The following TRMT44 variants were observed in gnomAD, a reference collection of about 807,000 sequenced individuals.
TRMT44 encodes probable tRNA (uracil-O(2)-)-methyltransferase.
TRMT44 carries 78 observed loss-of-function variants against 77.3 expected under a neutral mutation model. The ratio of observed to expected loss-of-function variants is 1.01; its 90% CI spans 0.84 to 1.22. TRMT44 has a LOEUF of 1.22. Ranked by LOEUF, TRMT44 falls within the 50% of genes most tolerant of loss-of-function variation. The probability of loss-of-function intolerance (pLI) is 0.00; values close to 1 mark genes in which losing one functional copy is unlikely to be tolerated. For missense variants in TRMT44, 1,090 were observed against 964.4 expected (o/e 1.13, Z -1.73); for synonymous variants, 391 against 383.3 (o/e 1.02, Z -0.23).
At chr4:8,482,773 A>G (rs1455831069) in intron 2 of TRMT44, among the ~76,000 whole-genome samples, 1 of 152,100 alleles carries the variant, frequency 6.6e-6, no homozygotes, top group Non-Finnish European at 1.5e-5. Flanking sequence ...CAGTTACTTC[A>G]GGCCATCTGG....
the TRMT44 span, among the ~76,000 whole-genome samples, chr4:8,501,825 G>C: frequency 2.0e-5 from 3 of 152,218 alleles, no homozygotes; most frequent in South Asian, 6.2e-4. The surrounding 1 kb of genome is among the most constrained non-coding windows in gnomAD (Gnocchi z 4.4). Context: ...TGTCCTTTCT[G>C]GGCCCCAGCC....
Position 8,467,904 on chromosome 4 carries a change from T to C in TRMT44, c.1495-10T>C, listed in dbSNP as rs772337473. On this transcript the variant is annotated splice_polypyrimidine_tract_variant and intron_variant, in intron 8 of 10. Transcript: ENST00000389737. ...AGCTAAAATACTTGCTTTGCTTTCT[T>C]CAAACGCAGGTCTGTCTCGTTGGAA... 1 of 1,584,460 alleles carries C rather than the reference T, an allele frequency of 6.3e-7. No homozygotes were observed. Among genetic ancestry groups the C allele is most frequent in the South Asian group, 1.1e-5 (1 of 88,880 alleles).
chr4:8,503,743 G>C, the TRMT44 span, among the ~76,000 whole-genome samples: 1 of 152,192 alleles, frequency 6.6e-6, no homozygotes, highest in Admixed American at 6.5e-5. Context: ...TCTTGCTTTG[G>C]CCTGGGCCCT....
At chr4:8,470,923 G>T (rs1726946543) in intron 9 of TRMT44, 161 bp from the exon 10 acceptor site, 1 of 580,810 alleles carries the variant, frequency 1.7e-6, no homozygotes, top group Non-Finnish European at 3.1e-6. Context: ...TCACGGTTTG[G>T]TGCGGTGTGG....
intron 6 of TRMT44, among the ~76,000 whole-genome samples, chr4:8,460,364 A>G (rs1179666900): frequency 1.3e-5 from 2 of 152,128 alleles, no homozygotes; most frequent in Non-Finnish European, 2.9e-5. Flanking sequence ...GGAATATACA[A>G]AAGTAGAGAG....
chr4:8,469,408 T>C (rs1157012512), intron 9 of TRMT44, among the ~76,000 whole-genome samples: 2 of 152,176 alleles, frequency 1.3e-5, no homozygotes, highest in Admixed American at 6.5e-5. Flanking sequence ...TGGCAGAGCA[T>C]GGAGCCCACC....
At chr4:8,472,010 C>CT (rs35572027) in intron 10 of TRMT44, among the ~76,000 whole-genome samples, 3,122 of 147,284 alleles carry the variant, frequency 0.021, 43 homozygotes, top group Non-Finnish European at 0.025. Context: ...CTTTGTGGCG[C>CT]TTTTTTTTTT....
downstream of TRMT44, among the ~76,000 whole-genome samples, chr4:8,496,323 G>A (rs1230817327): frequency 4.6e-5 from 7 of 152,142 alleles, no homozygotes; most frequent in Non-Finnish European, 8.8e-5. Context: ...CAAGAACCTG[G>A]ACAACTACCC....
Position 8,440,880 on chromosome 4 carries a change from T to C in TRMT44, c.58T>C (p.Phe20Leu). The stretch of plus-strand genomic sequence containing the variant: ...CCCAGGCGCGCTTCTCCCACAGGGC[T>C]TCTGGGCTGCGGTCGAAGTGTGGCT... ...SYPGALLPQG[F>L]WAAVEVWLER... The change falls in exon 1 of 11, where the codon TTC (phenylalanine) becomes CTC (leucine). Residue 20 changes from phenylalanine to leucine, a missense_variant. Phe to Leu is a conservative substitution (Grantham distance 22, BLOSUM62 0). Coordinates refer to ENST00000389737, the MANE Select transcript of TRMT44 (RefSeq NM_152544.3). 3 of 1,527,568 alleles carry C rather than the reference T, an allele frequency of 2.0e-6. No homozygotes were observed. The highest frequency in any genetic ancestry group is 4.6e-4 in the Middle Eastern group (2 of 4,352). The allele number at this position is 1,527,568 out of a possible 1,614,324, so 94.6% of individuals were successfully genotyped here.
At position 8,451,935 on chromosome 4, in the gene TRMT44, A is replaced by T; in HGVS notation, c.955-25A>T. 1.3e-6 allele frequency: 2 copies of T among 1,535,304 alleles called. No individual in the cohort carries two copies. The highest frequency in any genetic ancestry group is 1.7e-6 in the Non-Finnish European group (2 of 1,145,846). ...TGGTGGTGGGGAAACCGAACAATTTATGTTTGCTCTTGAAACTGTTTTAGG... is the reference window on the plus strand; with the variant it reads ...TGGTGGTGGGGAAACCGAACAATTTTTGTTTGCTCTTGAAACTGTTTTAGG... On this transcript the variant is annotated intron_variant, in intron 3 of 10. Transcript: ENST00000389737. The surrounding 1 kb of genome is among the most constrained non-coding windows in gnomAD (Gnocchi z 4.1).
intron 3 of TRMT44, 137 bp downstream of exon 3, chr4:8,450,025 G>A: frequency 1.5e-5 from 7 of 477,068 alleles, no homozygotes; most frequent in South Asian, 2.7e-5. Flanking sequence ...AGAGTGAAGT[G>A]GTGTGATCTT....
chr4:8,485,898 C>T (rs1212291651), intron 2 of TRMT44, among the ~76,000 whole-genome samples: 3 of 152,020 alleles, frequency 2.0e-5, no homozygotes, highest in Non-Finnish European at 4.4e-5. Flanking sequence ...GGAAACAGGC[C>T]CTTGAAAAGA....
chr4:8,476,167 G>A lies in TRMT44; in HGVS notation c.*166G>A, dbSNP rs1379686461. The A allele has an allele frequency of 1.2e-5, 8 of 657,440 alleles. No homozygotes were observed. Among genetic ancestry groups the A allele is most frequent in the Non-Finnish European group, 1.8e-5 (7 of 389,582 alleles). The allele number at this position is 657,440 out of a possible 1,614,324, so 40.7% of individuals were successfully genotyped here. On this transcript the variant is annotated 3_prime_UTR_variant, in exon 11 of 11. Coordinates refer to ENST00000389737, the MANE Select transcript of TRMT44 (RefSeq NM_152544.3). ...GAACCGTATTTCATAAACATCACAC[G>A]CCAGAGAAGCCACAGTTACTCGGAA...
chr4:8,467,731 C>A (rs1332457531), intron 8 of TRMT44, among the ~76,000 whole-genome samples, 183 bp from the exon 9 acceptor site: 1 of 152,140 alleles, frequency 6.6e-6, no homozygotes. Flanking sequence ...CCTTGGGCTC[C>A]CAAAATGCTA....
Position 8,444,496 on chromosome 4 carries a change from C to A in TRMT44, c.620-1980C>A, listed in dbSNP as rs1033890167. Among the ~76,000 whole-genome samples, 2 of 151,276 alleles carry A rather than the reference C, an allele frequency of 1.3e-5. No homozygotes were observed. Among genetic ancestry groups the A allele is most frequent in the East Asian group, 1.9e-4 (1 of 5,156 alleles). ...CACTGCAACCTCCGCCTCCTGGGTT[C>A]GAGCGATTCTCCTAACTTAGCCTCC... On this transcript the variant is annotated intron_variant, in intron 1 of 10. Transcript: ENST00000389737. The surrounding 1 kb of genome is among the most constrained non-coding windows in gnomAD (Gnocchi z 4.0).
At chr4:8,474,703 G>C (rs749309887) in intron 10 of TRMT44, among the ~76,000 whole-genome samples, 5 of 152,216 alleles carry the variant, frequency 3.3e-5, no homozygotes, top group African/African-American at 1.2e-4. Context: ...GCCTTCTGTC[G>C]TGAGCGGTTT....
chr4:8,450,934 G>A (rs1203532499), intron 3 of TRMT44, among the ~76,000 whole-genome samples: 2 of 151,554 alleles, frequency 1.3e-5, no homozygotes, highest in Non-Finnish European at 1.5e-5. Flanking sequence ...ACAGGCAGAT[G>A]CTACCATGCC....
At chr4:8,466,739 C>G (rs560076789) in intron 8 of TRMT44, among the ~76,000 whole-genome samples, 126 of 152,242 alleles carry the variant, frequency 8.3e-4, no homozygotes, top group Middle Eastern at 3.4e-3. Context: ...TGGTAGAGAC[C>G]GTGGACTGTC....
At chr4:8,464,431 T>C (rs542480222) in intron 7 of TRMT44, among the ~76,000 whole-genome samples, 3 of 152,346 alleles carry the variant, frequency 2.0e-5, no homozygotes, top group Admixed American at 2.0e-4. Context: ...GAAGTTTTTT[T>C]CTGAAAACAT....
Sources: allele counts gnomAD v4.1 joint callset (sites outside exome capture counted in the v4.1 genomes callset), GRCh38; gene constraint gnomAD v4.1.1; non-coding constraint Gnocchi (gnomAD v3.1); transcripts MANE v1.5; gene names NCBI Gene and HGNC (gene_info 2026-07-23, HGNC 2026-07-21).